Variants in SNRNP200 observed in about 807,000 individuals in gnomAD.
SNRNP200 encodes U5 small nuclear ribonucleoprotein 200 kDa helicase.
In SNRNP200, 66 loss-of-function variants were observed where a neutral mutation model predicts 255.2. The ratio of observed to expected loss-of-function variants is 0.26; its 90% confidence interval spans 0.21 to 0.32. The LOEUF is 0.32. SNRNP200 is among the 10% of genes least tolerant of loss of function. The probability of loss-of-function intolerance (pLI) is 1.00; values close to 1 mark genes in which losing one functional copy is unlikely to be tolerated. For synonymous variants in SNRNP200, 939 were observed against 1,027.8 expected, an observed-to-expected ratio of 0.91 and a Z score of 1.65; for missense variants, 1,585 against 2,749.8, an observed-to-expected ratio of 0.58 and a Z score of 9.47.
intron 16 of SNRNP200, 126 bp downstream of exon 16, chr2:96,292,846 A>G: frequency 1.8e-6 from 2 of 1,119,730 alleles, no homozygotes. Flanking sequence ...ATCCCATTTC[A>G]TAGCTGATAT....
chr2:96,290,326 C>G lies in SNRNP200; in HGVS notation c.2742G>C (p.Lys914Asn). The G allele has an allele frequency of 3.7e-6, 6 of 1,613,894 alleles. No individual in the cohort carries two copies. Among genetic ancestry groups the G allele is most frequent in the Non-Finnish European group, 5.1e-6 (6 of 1,179,992 alleles). ...AGCACAACAAGCAGTCCTCCCCTAC[C>G]TTGGCATTCTGGACATTTCCTAGCA... ...EIVLGNVQNA[K>N]DAVNWLGYAY... The change falls in exon 20 of 45, where the codon AAG becomes AAC. Residue 914 changes from lysine (K) to asparagine (N), a missense_variant and splice_region_variant. Physicochemically the swap from Lys to Asn is moderately conservative, Grantham distance 94. Coordinates refer to ENST00000323853, the MANE Select transcript of SNRNP200 (RefSeq NM_014014.5). The surrounding 1 kb of genome is among the most constrained non-coding windows in gnomAD (Gnocchi z 4.5).
chr2:96,285,272 T>C lies in SNRNP200; in HGVS notation c.4072A>G (p.Ile1358Val), dbSNP rs1573992736. 112 of 1,613,992 alleles carry C rather than the reference T, an allele frequency of 6.9e-5. No individual in the cohort carries two copies. The highest frequency in any genetic ancestry group is 5.1e-4 in the East Asian group (23 of 44,890). Residue 1358 changes from isoleucine (I) to valine (V), a missense_variant, in exon 30 of 45, where the codon ATT becomes GTT. By Grantham distance (29) the Ile-to-Val change is conservative (BLOSUM62 3). This residue lies in a region of SNRNP200 where 719 missense variants were observed against 1,091.1 expected (regional missense o/e 0.66). Coordinates refer to ENST00000323853, the MANE Select transcript of SNRNP200 (RefSeq NM_014014.5). ...VGAPTGSGKTICAEFAILRML... is the reference protein window; with the variant it reads ...VGAPTGSGKTVCAEFAILRML... The stretch of plus-strand genomic sequence containing the variant: ...CGCAGGATGGCAAACTCTGCACAAA[T>C]AGTCTTCCCGCTGCCCGTGGGGGCC...
Position 96,278,984 on chromosome 2 carries a change from C to T in SNRNP200, c.5148G>A (p.Lys1716=), listed in dbSNP as rs1367942181. 6.2e-7 allele frequency: 1 copy of T among 1,613,784 alleles called. No homozygotes were observed. Among genetic ancestry groups the T allele is most frequent in the Non-Finnish European group, 8.5e-7 (1 of 1,179,824 alleles). ...CTACTGGCAATGGCTCATATAAGAA[C>T]TTCTTGAAGAAATCCTGTGGGTTGG... ...CQGSKKDFFK[K]FLYEPLPVES... is the part of the protein sequence containing the mutation. Residue 1716 remains lysine (K), a synonymous_variant, in exon 37 of 45, where the codon AAG becomes AAA. Transcript: ENST00000323853. This position sits in a 1 kb window ranked among gnomAD's most constrained non-coding sequence, Gnocchi z 6.9.
chr2:96,279,664 G>A (rs543661363), intron 35 of SNRNP200, 105 bp from the exon 36 acceptor site: 1 of 721,522 alleles, frequency 1.4e-6, no homozygotes, highest in East Asian at 2.7e-5. Context: ...TTAATACGGG[G>A]AGACACGGAC....
At chr2:96,301,152 G>A in intron 4 of SNRNP200, 99 bp from the exon 5 acceptor site, 2 of 999,140 alleles carry the variant, frequency 2.0e-6, no homozygotes, top group Non-Finnish European at 3.2e-6. Flanking sequence ...CCTCAGGAAA[G>A]ATCTAAGTGC....
chr2:96,274,935 C>T lies in SNRNP200; in HGVS notation c.*77G>A. 1 of 1,569,322 alleles carries T rather than the reference C, an allele frequency of 6.4e-7. No individual in the cohort carries two copies. Among genetic ancestry groups the T allele is most frequent in the Non-Finnish European group, 8.7e-7 (1 of 1,143,328 alleles). On this transcript the variant is annotated 3_prime_UTR_variant, in exon 45 of 45. Transcript: ENST00000323853. Reference sequence around the variant, plus strand: ...CTGAGGCCCACAGACCTGGTCCCCACAACCAGGATTCCTACAATGTACACA... The same window carrying T: ...CTGAGGCCCACAGACCTGGTCCCCATAACCAGGATTCCTACAATGTACACA...
At chr2:96,293,182 T>C in intron 15 of SNRNP200, 87 bp from the exon 16 acceptor site, 1 of 1,588,560 alleles carries the variant, frequency 6.3e-7, no homozygotes, top group Non-Finnish European at 8.6e-7. Flanking sequence ...AAGAGCAATA[T>C]TCCTCCTTTA....
rs149279321 is a variant in SNRNP200 at position 96,283,936 on chromosome 2, A to G, written c.4461T>C (p.Ile1487=). 113 of 1,600,576 alleles carry G rather than the reference A, an allele frequency of 7.1e-5. No individual in the cohort carries two copies. Among genetic ancestry groups the G allele is most frequent in the Non-Finnish European group, 9.5e-5 (111 of 1,173,642 alleles). The change falls in exon 32 of 45, where the codon ATT becomes ATC. Residue 1487 remains isoleucine, a synonymous_variant. Coordinates refer to ENST00000323853, the MANE Select transcript of SNRNP200 (RefSeq NM_014014.5). The surrounding 1 kb of genome is among the most constrained non-coding windows in gnomAD (Gnocchi z 4.7). ...ISSQIERPIR[I]VALSSSLSNA... ...TGGAGAGCGAAGAGCTGAGTGCCAC[A>G]ATGCGAATGGGCCGCTCAATCTGGG...
Position 96,298,637 on chromosome 2 carries a change from A to C in SNRNP200, c.948T>G (p.Asp316Glu), listed in dbSNP as rs751699254. The change falls in exon 8 of 45, where the codon GAT (aspartate) becomes GAG (glutamate). Residue 316 changes from aspartate to glutamate, a missense_variant. Transcript: ENST00000323853. ...LVLLLGFNTF[D>E]FIKVLRQHRM... ...TGTGCTGCCGCAACACTTTAATGAA[A>C]TCAAAGGTGTTGAAACCAAGCAGCA... 1.2e-6 allele frequency: 2 copies of C among 1,614,218 alleles called. No individual in the cohort carries two copies. The highest frequency in any genetic ancestry group is 4.5e-5 in the East Asian group (2 of 44,882).
chr2:96,288,166 T>G (rs537217100), intron 24 of SNRNP200, among the ~76,000 whole-genome samples, 197 bp from the exon 25 acceptor site: 2 of 152,254 alleles, frequency 1.3e-5, no homozygotes, highest in East Asian at 3.9e-4. Flanking sequence ...ATTAGAAGAG[T>G]GCTGCGGCTC....
At chr2:96,300,099 C>T (rs932176305) in intron 5 of SNRNP200, among the ~76,000 whole-genome samples, 1 of 152,128 alleles carries the variant, frequency 6.6e-6, no homozygotes, top group African/African-American at 2.4e-5. Flanking sequence ...TCTCCCCGTG[C>T]GACCCCTTCT....
chr2:96,293,733 C>T (rs2063899127), intron 14 of SNRNP200, among the ~76,000 whole-genome samples: 1 of 152,116 alleles, frequency 6.6e-6, no homozygotes, highest in Admixed American at 6.5e-5. Flanking sequence ...CAGTAACATA[C>T]TTTGTATAAA....
Position 96,295,522 on chromosome 2 carries a change from C to A in SNRNP200, c.1808G>T (p.Arg603Leu). The change falls in exon 14 of 45, where the codon CGC becomes CTC. Residue 603 changes from arginine (R) to leucine (L), a missense_variant. This residue lies in a region of SNRNP200 where 56 missense variants were observed against 77.4 expected (regional missense o/e 0.72). Transcript: ENST00000323853. ...GAGCCGCACCAGCTGGGTGTAGGTG[C>A]GCTCACCACCCTTGCGGGTGATGAT... ...WDIITRKGGE[R>L]TYTQLVRLII... 1 of 1,613,868 alleles carries A rather than the reference C, an allele frequency of 6.2e-7. No individual in the cohort carries two copies. Among genetic ancestry groups the A allele is most frequent in the Non-Finnish European group, 8.5e-7 (1 of 1,180,014 alleles).
rs539947579 is a variant in SNRNP200 at position 96,293,442 on chromosome 2, C to T, written c.1910G>A (p.Arg637Gln). 1.5e-5 allele frequency: 24 copies of T among 1,613,282 alleles called. No homozygotes were observed. Among genetic ancestry groups the T allele is most frequent in the Non-Finnish European group, 1.8e-5 (21 of 1,179,984 alleles). The change falls in exon 15 of 45, where the codon CGA becomes CAA. Residue 637 changes from arginine (R) to glutamine (Q), a missense_variant. Coordinates refer to ENST00000323853, the MANE Select transcript of SNRNP200 (RefSeq NM_014014.5). ...VLEALVARAI[R>Q]NIEMTQEDVR... is the part of the protein sequence containing the mutation. Reference sequence around the variant, plus strand: ...ATCCTCTTGGGTCATCTCAATGTTTCGGATGGCCCTGGCCACTAAAGCTTC... The same window carrying T: ...ATCCTCTTGGGTCATCTCAATGTTTTGGATGGCCCTGGCCACTAAAGCTTC...
chr2:96,289,757 C>T (rs199999296), intron 21 of SNRNP200, 42 bp downstream of exon 21: 45 of 1,605,372 alleles, frequency 2.8e-5, no homozygotes, highest in Non-Finnish European at 2.9e-5. Context: ...GGGCCAACAA[C>T]TTTTGCTGAG....
At chr2:96,289,596 C>A (rs1206111353) in intron 21 of SNRNP200, among the ~76,000 whole-genome samples, 1 of 152,120 alleles carries the variant, frequency 6.6e-6, no homozygotes, top group African/African-American at 2.4e-5. Context: ...AATAAGCTGA[C>A]CCATAGTGAA....
At chr2:96,279,255 G>A (rs907163838) in intron 36 of SNRNP200, 196 bp downstream of exon 36, 1 of 657,716 alleles carries the variant, frequency 1.5e-6, no homozygotes, top group Non-Finnish European at 2.7e-6. Flanking sequence ...ACCTCAACAC[G>A]TGGAGCCAAC....
At chr2:96,284,102 C>T in intron 31 of SNRNP200, 98 bp from the exon 32 acceptor site, 3 of 1,172,470 alleles carry the variant, frequency 2.6e-6, no homozygotes, top group Non-Finnish European at 3.7e-6. Flanking sequence ...TCAAAATGAC[C>T]TCATTCTTCC....
Position 96,283,020 on chromosome 2 carries a change from T to C in SNRNP200, c.4915+181A>G. ...TCACCTGGCAAGTAGGGATAGTGTT[T>C]GTCTCACCTGCCTCACGAGGTTCTT... On this transcript the variant is annotated intron_variant, in intron 34 of 44. Coordinates refer to ENST00000323853, the MANE Select transcript of SNRNP200 (RefSeq NM_014014.5). The surrounding 1 kb of genome is among the most constrained non-coding windows in gnomAD (Gnocchi z 4.7). 1.3e-6 allele frequency: 1 copy of C among 745,180 alleles called. No individual in the cohort carries two copies. Among genetic ancestry groups the C allele is most frequent in the South Asian group, 1.6e-5 (1 of 63,178 alleles). The allele number at this position is 745,180 out of a possible 1,614,324, so 46.2% of individuals were successfully genotyped here. A position where few individuals can be genotyped will look rare whatever the true frequency, so the allele number is the denominator to read the frequency against.
Sources: allele counts gnomAD v4.1 joint callset (sites outside exome capture counted in the v4.1 genomes callset), GRCh38; gene constraint gnomAD v4.1.1; regional missense constraint gnomAD v4.1.1; non-coding constraint Gnocchi (gnomAD v3.1); transcripts MANE v1.5; gene names NCBI Gene and HGNC (gene_info 2026-07-23, HGNC 2026-07-21).